Variants in CACNA1H observed in about 807,000 individuals in gnomAD.
CACNA1H encodes calcium voltage-gated channel subunit alpha1 H, also known as voltage-dependent T-type calcium channel subunit alpha-1H.
In CACNA1H, 149 loss-of-function variants were observed where a neutral mutation model predicts 192.5. The observed-to-expected ratio is 0.77, with a 90% CI of 0.68 to 0.89. The LOEUF (loss-of-function observed/expected upper bound fraction) is 0.89, where lower values mean the gene tolerates loss of function less well. CACNA1H is among the 40% of genes least tolerant of loss of function. The pLI is 0.00. For missense variants in CACNA1H, 4,257 were observed against 3,423.5 expected, an observed-to-expected ratio of 1.24 and a Z score of -6.08; for synonymous variants, 2,202 against 1,475.2, an observed-to-expected ratio of 1.49 and a Z score of -11.29.
chr16:1,174,770 C>T (rs1031706203), intron 2 of CACNA1H, among the ~76,000 whole-genome samples: 5 of 152,220 alleles, frequency 3.3e-5, no homozygotes, highest in Non-Finnish European at 5.9e-5. Context: ...CTTAATGGAT[C>T]GAGTCGTTGG....
chr16:1,218,697 A>AGGGAGGAAGATGGGGGCAGGT, intron 33 of CACNA1H, 46 bp downstream of exon 33: 1 of 905,630 alleles, frequency 1.1e-6, no homozygotes, highest in Non-Finnish European at 1.6e-6. Flanking sequence ...GAAGCAGGAC[A>AGGGAGGAAGATGGGGGCAGGT]GGGAGGAAGA....
chr16:1,204,368 C>T lies in CACNA1H; in HGVS notation c.2361C>T (p.Arg787=), dbSNP rs759397547. 5 of 1,571,692 alleles carry T rather than the reference C, an allele frequency of 3.2e-6. No homozygotes were observed. In the African/African-American group the frequency reaches 4.1e-5, roughly 13 times the overall value. ...GGGTTACCTTCAGCGGCAAGCTGCG[C>T]CGCATCGTGGACAGCAAGTACTTCA... ...RLWVTFSGKL[R]RIVDSKYFSR... The change falls in exon 10 of 35, where the codon CGC becomes CGT. Residue 787 remains arginine, a synonymous_variant. Transcript: ENST00000348261.
chr16:1,170,782 G>C (rs1964290214), intron 2 of CACNA1H, among the ~76,000 whole-genome samples: 1 of 152,186 alleles, frequency 6.6e-6, no homozygotes, highest in Admixed American at 6.5e-5. Flanking sequence ...AGGGCATGAT[G>C]GGGCAGCTCC....
chr16:1,201,311 C>T (rs952746865), intron 8 of CACNA1H, among the ~76,000 whole-genome samples: 2 of 152,108 alleles, frequency 1.3e-5, no homozygotes, highest in African/African-American at 2.4e-5. Context: ...CACGCTGGTC[C>T]ATGCTAAGGA....
At chr16:1,188,030 C>T (rs1966242158) in intron 2 of CACNA1H, among the ~76,000 whole-genome samples, 2 of 152,222 alleles carry the variant, frequency 1.3e-5, no homozygotes, top group South Asian at 4.1e-4. Context: ...TGCATAAAAC[C>T]TGTCAGCGCC....
intron 2 of CACNA1H, among the ~76,000 whole-genome samples, chr16:1,177,171 G>T (rs892184972): frequency 6.6e-6 from 1 of 152,176 alleles, no homozygotes; most frequent in Non-Finnish European, 1.5e-5. Flanking sequence ...GGACATCTCG[G>T]ACTCTCGGAC....
intron 2 of CACNA1H, among the ~76,000 whole-genome samples, chr16:1,174,586 G>A (rs971574952): frequency 6.6e-6 from 1 of 152,108 alleles, no homozygotes; most frequent in Admixed American, 6.5e-5. Flanking sequence ...GCTCAGGGCT[G>A]TCTGGGCCCC....
chr16:1,166,410 A>G (rs530973380), intron 2 of CACNA1H, among the ~76,000 whole-genome samples: 134 of 152,302 alleles, frequency 8.8e-4, no homozygotes, highest in African/African-American at 3.1e-3. Flanking sequence ...CGCAGCGTAC[A>G]AGGCCCTCTG....
chr16:1,207,632 C>A (rs951366777), intron 14 of CACNA1H, 138 bp from the exon 15 acceptor site: 3 of 925,064 alleles, frequency 3.2e-6, no homozygotes, highest in South Asian at 1.6e-5. Flanking sequence ...CACCTACCTG[C>A]CCACCCTGGC....
chr16:1,213,836 T>A lies in CACNA1H; in HGVS notation c.4834T>A (p.Ser1612Thr). Residue 1612 changes from serine (S) to threonine (T), a missense_variant, in exon 27 of 35, where the codon TCG (serine) becomes ACG (threonine). Transcript: ENST00000348261. ...CTCGCCCACGCGCCGCTCCATTCAC[T>A]CGCTGTGCACCAGCCACTATCTCGA... Reference protein sequence around the residue: ...DYSPTRRSIHSLCTSHYLDLF... With the variant: ...DYSPTRRSIHTLCTSHYLDLF... 1 of 1,598,210 alleles carries A rather than the reference T, an allele frequency of 6.3e-7. No individual in the cohort carries two copies.
chr16:1,162,229 T>C (rs949689517), intron 2 of CACNA1H, among the ~76,000 whole-genome samples: 44 of 152,192 alleles, frequency 2.9e-4, no homozygotes, highest in African/African-American at 9.6e-4. Context: ...AGGCCATTGC[T>C]GTCTGAGGCC....
intron 14 of CACNA1H, 132 bp from the exon 15 acceptor site, chr16:1,207,638 C>T (rs912590222): frequency 5.3e-6 from 5 of 941,002 alleles, no homozygotes; most frequent in African/African-American, 4.9e-5. Context: ...CCTGCCCACC[C>T]TGGCAGTGAC....
chr16:1,161,177 C>A (rs1014534091), intron 2 of CACNA1H, among the ~76,000 whole-genome samples: 1 of 152,220 alleles, frequency 6.6e-6, no homozygotes, highest in Non-Finnish European at 1.5e-5. Context: ...TGACCCTGGG[C>A]TGCTGGTGGT....
intron 26 of CACNA1H, among the ~76,000 whole-genome samples, 162 bp from the exon 27 acceptor site, chr16:1,213,618 T>G (rs78306371): frequency 5.1e-4 from 77 of 151,950 alleles, no homozygotes; most frequent in Non-Finnish European, 4.6e-4. Flanking sequence ...TCCAGTCTTA[T>G]GTGAGCCCTG....
chr16:1,174,656 C>G (rs1453017966), intron 2 of CACNA1H, among the ~76,000 whole-genome samples: 1 of 152,166 alleles, frequency 6.6e-6, no homozygotes, highest in African/African-American at 2.4e-5. Flanking sequence ...TGTCCAGCCC[C>G]CAGCTGGGAG....
Position 1,220,626 on chromosome 16 carries a change from C to T in CACNA1H, c.6694C>T (p.Leu2232=), listed in dbSNP as rs1366621639. 1.9e-6 allele frequency: 3 copies of T among 1,595,896 alleles called. No individual in the cohort carries two copies. The African/African-American group carries it at 4.1e-5, about 22-fold the overall frequency. Residue 2232 remains leucine, a synonymous_variant, in exon 35 of 35, where the codon CTG becomes TTG. Coordinates refer to ENST00000348261, the MANE Select transcript of CACNA1H (RefSeq NM_021098.3). Reference sequence around the variant, plus strand: ...TGAGGCCACGCCTCACAGGGACTCCCTGGAGCCCACAGAGGGCTCAGGCGC... The same window carrying T: ...TGAGGCCACGCCTCACAGGGACTCCTTGGAGCCCACAGAGGGCTCAGGCGC... ...SCEATPHRDS[L]EPTEGSGAGG... is the part of the protein sequence containing the mutation.
intron 2 of CACNA1H, among the ~76,000 whole-genome samples, chr16:1,186,851 T>G (rs1966117068): frequency 6.6e-6 from 1 of 152,170 alleles, no homozygotes. Flanking sequence ...ACCGGCAGAC[T>G]TCAGGGCGGT....
rs1420398557 is a variant in CACNA1H at position 1,205,138 on chromosome 16, G to T, written c.2476G>T (p.Glu826Ter). The T allele has an allele frequency of 6.2e-7, 1 of 1,612,476 alleles. No homozygotes were observed. The highest frequency in any genetic ancestry group is 8.5e-7 in the Non-Finnish European group (1 of 1,179,786). The change falls in exon 11 of 35, where the codon GAG becomes TAG. Residue 826 changes from glutamate to a stop codon, truncating the protein, a stop_gained. Transcript: ENST00000348261. LOFTEE classifies it high-confidence loss of function. ...GCCCGAGGAGCTGACTAATGCTCTG[G>T]AGATCAGCAACATCGTGTTCACCAG... ...EQPEELTNAL[E>*]ISNIVFTSMF...
In CACNA1H at chr16:1,153,725, G is replaced by A. The variant is rs1223713011; in HGVS notation, c.-13G>A. On this transcript the variant is annotated 5_prime_UTR_variant, in exon 2 of 35. Transcript: ENST00000348261. Reference sequence around the variant, plus strand: ...TCACCCCCTGTCCTCTGCAGGTGCTGCCGGCCGCCACCATGACCGAGGGCG... The same window carrying A: ...TCACCCCCTGTCCTCTGCAGGTGCTACCGGCCGCCACCATGACCGAGGGCG... 5.8e-6 allele frequency: 7 copies of A among 1,203,710 alleles called. No homozygotes were observed. Among genetic ancestry groups the A allele is most frequent in the Non-Finnish European group, 6.2e-6 (6 of 970,216 alleles). The allele number at this position is 1,203,710 out of a possible 1,614,324, so 74.6% of individuals were successfully genotyped here. A position where few individuals can be genotyped will look rare whatever the true frequency, so the allele number is the denominator to read the frequency against.
Sources: allele counts gnomAD v4.1 joint callset (sites outside exome capture counted in the v4.1 genomes callset), GRCh38; gene constraint gnomAD v4.1.1; transcripts MANE v1.5; gene names NCBI Gene and HGNC (gene_info 2026-07-23, HGNC 2026-07-21).